KLHL5: variants seen among roughly 807,000 people sequenced by gnomAD.
KLHL5 encodes the protein kelch-like protein 5.
A neutral mutation model predicts 77.7 loss-of-function variants in KLHL5; 48 were observed. The observed-to-expected ratio is 0.62, with a 90% confidence interval of 0.49 to 0.79. The LOEUF (loss-of-function observed/expected upper bound fraction) is 0.79. Among genes scored for constraint, KLHL5 ranks in the 30% least tolerant of loss-of-function variants. KLHL5 has a pLI of 0.00. For missense variants in KLHL5, 723 were observed against 859.7 expected (o/e 0.84, Z 1.99); for synonymous variants, 260 against 297.0 (o/e 0.88, Z 1.28).
intron 1 of KLHL5, among the ~76,000 whole-genome samples, chr4:39,075,335 CA>C (rs10718590): frequency 0.72 from 100,287 of 139,912 alleles, 34,643 homozygotes; most frequent in East Asian, 0.81. Flanking sequence ...CCGTCTCAAA[CA>C]AAAAAAAAAA....
intron 1 of KLHL5, among the ~76,000 whole-genome samples, chr4:39,070,158 T>G (rs1718338289): frequency 6.6e-6 from 1 of 152,186 alleles, no homozygotes; most frequent in African/African-American, 2.4e-5. Context: ...GTGAACCAAC[T>G]GTTATTGCCA....
At chr4:39,100,492 G>A (rs1721442024) in intron 6 of KLHL5, among the ~76,000 whole-genome samples, 1 of 152,164 alleles carries the variant, frequency 6.6e-6, no homozygotes, top group South Asian at 2.1e-4. Flanking sequence ...ATTATGCTAA[G>A]CACTTAGCCT....
chr4:39,073,924 C>G (rs1718750377), intron 1 of KLHL5, among the ~76,000 whole-genome samples: 1 of 151,934 alleles, frequency 6.6e-6, no homozygotes, highest in East Asian at 1.9e-4. Flanking sequence ...CCTCGGCCTC[C>G]CGAAGTGCTG....
At position 39,104,293 on chromosome 4, in the gene KLHL5, A is replaced by T. The variant is rs138696486; in HGVS notation, c.1525+782A>T. 4.6e-4 allele frequency among the ~76,000 whole-genome samples: 70 copies of T among 152,322 alleles called. 1 individual carries two copies. The East Asian group carries it at 0.011, about 24-fold the overall frequency. ...AGGAGCTTAAAATTAACTATATGAA[A>T]TTTAACACAGTAAACTTGTAAAACA... On this transcript the variant is annotated intron_variant, in intron 7 of 10. Transcript: ENST00000504108.
At chr4:39,106,663 A>G (rs1722059804) in intron 7 of KLHL5, among the ~76,000 whole-genome samples, 1 of 152,242 alleles carries the variant, frequency 6.6e-6, no homozygotes. Flanking sequence ...TCTTAAATCC[A>G]AATTGTTGAA....
intron 5 of KLHL5, chr4:39,093,245 C>G (rs554409914): frequency 1.4e-5 from 6 of 432,440 alleles, no homozygotes; most frequent in Admixed American, 1.0e-4. Flanking sequence ...GGGAAAGAAG[C>G]AAGACACCAG....
chr4:39,054,823 A>G (rs1022923059), intron 1 of KLHL5, among the ~76,000 whole-genome samples: 2 of 152,126 alleles, frequency 1.3e-5, no homozygotes, highest in Non-Finnish European at 2.9e-5. Context: ...CCAACTGAAC[A>G]CTCATGGGTA....
chr4:39,107,313 G>T (rs1024578931), intron 7 of KLHL5, among the ~76,000 whole-genome samples: 2 of 152,002 alleles, frequency 1.3e-5, no homozygotes, highest in African/African-American at 2.4e-5. Context: ...CTCCCAAACC[G>T]CTGAGATTAC....
chr4:39,127,043 C>T (rs1723581662), downstream of KLHL5, among the ~76,000 whole-genome samples: 1 of 152,094 alleles, frequency 6.6e-6, no homozygotes, highest in Non-Finnish European at 1.5e-5. Context: ...CTTGTTATTA[C>T]TCCATTTTCA....
At position 39,081,313 on chromosome 4, in the gene KLHL5, T is replaced by C. The variant is rs1719598522; in HGVS notation, c.703+74T>C. The C allele has an allele frequency of 2.3e-6, 3 of 1,316,810 alleles. No individual in the cohort carries two copies. The highest frequency in any genetic ancestry group is 3.1e-6 in the Non-Finnish European group (3 of 968,768). The allele number at this position is 1,316,810 out of a possible 1,614,324, so 81.6% of individuals were successfully genotyped here. A position where few individuals can be genotyped will look rare whatever the true frequency, so the allele number is the denominator to read the frequency against. On this transcript the variant is annotated intron_variant, in intron 3 of 10. Transcript: ENST00000504108. This position sits in a 1 kb window ranked among gnomAD's most constrained non-coding sequence, Gnocchi z 4.3. Reference sequence around the variant, plus strand: ...TTATTAGATTTCAGATTTCTGTTTTTAGAAAGCATGCCATAGCTAACAGTT... The same window carrying C: ...TTATTAGATTTCAGATTTCTGTTTTCAGAAAGCATGCCATAGCTAACAGTT...
intron 7 of KLHL5, 127 bp downstream of exon 7, chr4:39,103,638 A>G (rs1422330259): frequency 2.7e-5 from 19 of 707,342 alleles, no homozygotes; most frequent in Non-Finnish European, 4.4e-5. Context: ...CATTCCTCAC[A>G]TGCTGCAATA....
At chr4:39,139,303 A>G in the KLHL5 span, among the ~76,000 whole-genome samples, 1 of 151,910 alleles carries the variant, frequency 6.6e-6, no homozygotes, top group African/African-American at 2.4e-5. Context: ...AAAAAAAGAA[A>G]AGCCCATCAT....
At chr4:39,097,331 C>T (rs74441624) in intron 6 of KLHL5, among the ~76,000 whole-genome samples, 2,717 of 152,294 alleles carry the variant, frequency 0.018, 37 homozygotes, top group Middle Eastern at 0.051. Context: ...GAATTATCAG[C>T]GGATGCTGAG....
rs775769518 is a variant in KLHL5, at chr4:39,062,871, A to G, written c.219A>G (p.Gln73=). ...CAATTGGTTACCGAAGGTCCAGCCA[A>G]CTGGATTTTCAGAATTCACCTTCTT... The part of the protein sequence containing the change: ...LASIGYRRSS[Q]LDFQNSPSWP... The change falls in exon 1 of 11, where the codon CAA becomes CAG. Residue 73 remains glutamine (Q), a synonymous_variant. Coordinates refer to ENST00000504108, the MANE Select transcript of KLHL5 (RefSeq NM_015990.5). 19 of 1,614,062 alleles carry G rather than the reference A, an allele frequency of 1.2e-5. No homozygotes were observed. Among genetic ancestry groups the G allele is most frequent in the Non-Finnish European group, 1.6e-5 (19 of 1,180,038 alleles).
intron 7 of KLHL5, among the ~76,000 whole-genome samples, chr4:39,106,196 C>A (rs1722024160): frequency 6.6e-6 from 1 of 152,128 alleles, no homozygotes; most frequent in Non-Finnish European, 1.5e-5. Context: ...CCTTGTTGTC[C>A]CTTAGACACA....
At chr4:39,117,422 G>A (rs974280104) in intron 10 of KLHL5, among the ~76,000 whole-genome samples, 1 of 152,156 alleles carries the variant, frequency 6.6e-6, no homozygotes, top group South Asian at 2.1e-4. Flanking sequence ...AGTTGGGGTC[G>A]CATAGGTTGG....
intron 6 of KLHL5, among the ~76,000 whole-genome samples, chr4:39,099,859 T>G (rs1721392736): frequency 6.6e-6 from 1 of 152,242 alleles, no homozygotes; most frequent in African/African-American, 2.4e-5. Flanking sequence ...AGTATAAATA[T>G]TTCAACATTG....
intron 6 of KLHL5, among the ~76,000 whole-genome samples, chr4:39,099,432 G>C (rs1354552563): frequency 6.6e-6 from 1 of 152,056 alleles, no homozygotes; most frequent in Admixed American, 6.6e-5. Flanking sequence ...GTACTAGCAG[G>C]CTTCAATCTC....
At chr4:39,051,626 C>T (rs540136036) in intron 1 of KLHL5, among the ~76,000 whole-genome samples, 1 of 152,308 alleles carries the variant, frequency 6.6e-6, no homozygotes, top group East Asian at 1.9e-4. Flanking sequence ...GCAGTCCACG[C>T]AGGCAGCTCA....
Sources: allele counts gnomAD v4.1 joint callset (sites outside exome capture counted in the v4.1 genomes callset), GRCh38; gene constraint gnomAD v4.1.1; non-coding constraint Gnocchi (gnomAD v3.1); transcripts MANE v1.5; gene names NCBI Gene and HGNC (gene_info 2026-07-23, HGNC 2026-07-21).